Variants in LINGO2 observed in about 807,000 individuals in gnomAD.
LINGO2 encodes leucine-rich repeat and immunoglobulin-like domain-containing nogo receptor-interacting protein 2.
A neutral mutation model predicts 30.6 loss-of-function variants in LINGO2; 14 were observed. The observed-to-expected ratio is 0.46, with a 90% confidence interval of 0.30 to 0.72. The LOEUF (loss-of-function observed/expected upper bound fraction) is 0.72, where lower values mean the gene tolerates loss of function less well. Ranked by LOEUF, LINGO2 falls within the 30% of genes least tolerant of loss-of-function variation. The pLI is 0.07. For synonymous variants in LINGO2, 317 were observed against 288.5 expected (o/e 1.10, Z -1.00); for missense variants, 729 against 751.7 (o/e 0.97, Z 0.35).
intron 4 of LINGO2, among the ~76,000 whole-genome samples, chr9:28,243,322 T>A (rs1360967671): frequency 6.6e-6 from 1 of 151,714 alleles, no homozygotes; most frequent in Non-Finnish European, 1.5e-5. Context: ...TAACCGGGTG[T>A]GGTGGTGGGT....
the LINGO2 span, among the ~76,000 whole-genome samples, chr9:28,967,726 G>A: frequency 6.6e-6 from 1 of 152,160 alleles, no homozygotes; most frequent in African/African-American, 2.4e-5. Flanking sequence ...GTCAGACAAG[G>A]TTAGGATGTA....
chr9:28,078,692 C>T (rs1425441245), intron 4 of LINGO2, among the ~76,000 whole-genome samples: 1 of 147,740 alleles, frequency 6.8e-6, no homozygotes, highest in Non-Finnish European at 1.5e-5. Context: ...ATTAAAAATA[C>T]AAAATTAGCT....
chr9:28,406,683 A>G (rs1822528506), intron 2 of LINGO2, among the ~76,000 whole-genome samples: 2 of 152,176 alleles, frequency 1.3e-5, no homozygotes, highest in Non-Finnish European at 2.9e-5. Flanking sequence ...TTTCTAGACA[A>G]ACATGAATCC....
At chr9:29,019,246 T>G in the LINGO2 span, among the ~76,000 whole-genome samples, 1 of 152,192 alleles carries the variant, frequency 6.6e-6, no homozygotes, top group Non-Finnish European at 1.5e-5. Flanking sequence ...GGTGTATACT[T>G]AAGGTTTAGA....
At chr9:28,675,812 A>C in the LINGO2 span, among the ~76,000 whole-genome samples, 1 of 150,262 alleles carries the variant, frequency 6.7e-6, no homozygotes, top group Non-Finnish European at 1.5e-5. Context: ...CAGAGGTTGC[A>C]GTGAGCCGAG....
intron 1 of LINGO2, among the ~76,000 whole-genome samples, chr9:28,528,950 T>A (rs1821128278): frequency 6.6e-6 from 1 of 152,184 alleles, no homozygotes; most frequent in African/African-American, 2.4e-5. Context: ...TCTGAGTCAC[T>A]AAGGATTAAG....
At chr9:28,438,883 T>G (rs1332013982) in intron 2 of LINGO2, among the ~76,000 whole-genome samples, 2 of 140,382 alleles carry the variant, frequency 1.4e-5, no homozygotes, top group Non-Finnish European at 3.0e-5. Context: ...TTATATATAG[T>G]GAAATATATA....
intron 2 of LINGO2, among the ~76,000 whole-genome samples, chr9:28,402,632 C>G (rs948142560): frequency 1.3e-4 from 20 of 151,850 alleles, no homozygotes; most frequent in Admixed American, 7.2e-4. Context: ...GGTATCTGCT[C>G]TCCTTCACTC....
At chr9:28,459,211 T>C (rs1824977023) in intron 2 of LINGO2, among the ~76,000 whole-genome samples, 1 of 152,018 alleles carries the variant, frequency 6.6e-6, no homozygotes, top group African/African-American at 2.4e-5. Context: ...CATGATGTTA[T>C]GGTTCTTTCA....
chr9:29,052,091 A>G, the LINGO2 span, among the ~76,000 whole-genome samples: 2 of 152,326 alleles, frequency 1.3e-5, no homozygotes, highest in East Asian at 3.9e-4. Flanking sequence ...ATACAAAACC[A>G]TATAACTGAT....
At chr9:28,234,596 G>C (rs747930136) in intron 4 of LINGO2, among the ~76,000 whole-genome samples, 40 of 152,334 alleles carry the variant, frequency 2.6e-4, no homozygotes, top group Non-Finnish European at 5.3e-4. Flanking sequence ...GAGCAGACTT[G>C]CTGAGGCTTC....
chr9:28,543,662 G>A (rs1421794176), intron 1 of LINGO2, among the ~76,000 whole-genome samples: 1 of 152,078 alleles, frequency 6.6e-6, no homozygotes, highest in African/African-American at 2.4e-5. Flanking sequence ...GGGTCTACAT[G>A]CTTTTTAAAT....
chr9:28,964,063 A>G, the LINGO2 span, among the ~76,000 whole-genome samples: 6 of 151,860 alleles, frequency 4.0e-5, no homozygotes, highest in Non-Finnish European at 8.8e-5. Flanking sequence ...GTGCATATAT[A>G]TGTGTACACA....
At chr9:28,079,383 G>A (rs1825713032) in intron 4 of LINGO2, among the ~76,000 whole-genome samples, 1 of 152,286 alleles carries the variant, frequency 6.6e-6, no homozygotes, top group African/African-American at 2.4e-5. Context: ...GAGTTAACCA[G>A]TCTGAAGGCA....
chr9:28,221,276 G>T (rs1189034627), intron 4 of LINGO2, among the ~76,000 whole-genome samples: 4 of 131,206 alleles, frequency 3.0e-5, no homozygotes, highest in Non-Finnish European at 6.2e-5. Context: ...GTCCAGCCTG[G>T]GTGACAGAGC....
At chr9:28,585,587 G>A (rs983633662) in intron 1 of LINGO2, among the ~76,000 whole-genome samples, 2 of 152,014 alleles carry the variant, frequency 1.3e-5, no homozygotes, top group African/African-American at 4.8e-5. Flanking sequence ...TTGCCCAACT[G>A]TAGGCTGACG....
chr9:28,826,145 C>T, the LINGO2 span, among the ~76,000 whole-genome samples: 1 of 152,072 alleles, frequency 6.6e-6, no homozygotes, highest in African/African-American at 2.4e-5. Flanking sequence ...CCAATCAGAA[C>T]CAACCCAGAC....
chr9:29,183,302 T>C, the LINGO2 span, among the ~76,000 whole-genome samples: 1 of 152,136 alleles, frequency 6.6e-6, no homozygotes, highest in Non-Finnish European at 1.5e-5. Flanking sequence ...AACTCTTCAA[T>C]GAACAGTGAA....
the LINGO2 span, among the ~76,000 whole-genome samples, chr9:29,011,697 ATCTACATTGACATAC>A: frequency 6.6e-6 from 1 of 152,172 alleles, no homozygotes; most frequent in Non-Finnish European, 1.5e-5. Context: ...ATCATCCATC[ATCTACATTGACATAC>A]TATGTTTCCT....
Sources: gnomAD v4.1 joint callset for allele counts (sites outside exome capture counted in the v4.1 genomes callset) on GRCh38, gnomAD v4.1.1 for gene constraint, MANE v1.5 for transcripts, NCBI Gene and HGNC (gene_info 2026-07-23, HGNC 2026-07-21) for gene names.